Variants in DIPK1A observed in about 807,000 individuals in gnomAD.
DIPK1A encodes the protein divergent protein kinase domain 1A.
DIPK1A carries 27 observed loss-of-function variants against 40.8 expected under a neutral mutation model. The observed-to-expected ratio is 0.66, with a 90% CI of 0.49 to 0.91. The LOEUF (loss-of-function observed/expected upper bound fraction) is 0.91. DIPK1A is among the 40% of genes least tolerant of loss of function. The probability of loss-of-function intolerance (pLI) is 0.00; values close to 1 mark genes in which losing one functional copy is unlikely to be tolerated. For synonymous variants in DIPK1A, 166 were observed against 171.3 expected (o/e 0.97, Z 0.24); for missense variants, 412 against 505.7 (o/e 0.81, Z 1.78).
At chr1:92,871,959 A>G (rs1226997887) in intron 2 of DIPK1A, among the ~76,000 whole-genome samples, 1 of 151,320 alleles carries the variant, frequency 6.6e-6, no homozygotes, top group Non-Finnish European at 1.5e-5. Context: ...CCTGATTTCA[A>G]TTTTTTTGGT....
At chr1:92,838,086 A>G (rs1687196730), downstream of DIPK1A, among the ~76,000 whole-genome samples, 1 of 152,212 alleles carries the variant, frequency 6.6e-6, no homozygotes, top group South Asian at 2.1e-4. Context: ...AATGAGTCCC[A>G]AAGTGCTGGG....
At chr1:92,877,121 A>AC in intron 1 of DIPK1A, 1 of 985,470 alleles carries the variant, frequency 1.0e-6, no homozygotes, top group African/African-American at 1.7e-5. Context: ...TGCAAAGTGT[A>AC]AAGCTGCACA....
intron 1 of DIPK1A, among the ~76,000 whole-genome samples, chr1:92,941,315 CTTG>C (rs1228603260): frequency 1.3e-5 from 2 of 152,094 alleles, no homozygotes; most frequent in Admixed American, 6.5e-5. Flanking sequence ...AAATGGAAGT[CTTG>C]TTGTAGCAAT....
intron 2 of DIPK1A, among the ~76,000 whole-genome samples, chr1:92,867,164 C>A (rs996773378): frequency 6.6e-6 from 1 of 151,898 alleles, no homozygotes; most frequent in Non-Finnish European, 1.5e-5. Flanking sequence ...ACTTATACAG[C>A]TCAGAAATGG....
At position 92,842,700 on chromosome 1, in the gene DIPK1A, C is replaced by T. The variant is rs1019053391; in HGVS notation, c.*683G>A. The T allele has an allele frequency of 2.1e-5, 21 of 985,358 alleles. No homozygotes were observed. In the East Asian group the frequency reaches 5.7e-4, roughly 27 times the overall value. The allele number at this position is 985,358 out of a possible 1,614,324, so 61.0% of individuals were successfully genotyped here. ...CAGTTTTGAAGGGCTCAGTCAGCTG[C>T]GTGATACTAAGATGGGCCCTTTGAA... On this transcript the variant is annotated 3_prime_UTR_variant, in exon 5 of 5. Coordinates refer to ENST00000370310, the MANE Select transcript of DIPK1A (RefSeq NM_001006605.5).
intron 1 of DIPK1A, among the ~76,000 whole-genome samples, chr1:92,878,538 A>G (rs1376886504): frequency 1.3e-5 from 2 of 151,858 alleles, no homozygotes; most frequent in African/African-American, 4.8e-5. Context: ...TACAAAAATT[A>G]GGCCAGGCGC....
At chr1:92,846,858 T>TATATACACACACACAC (rs1180408866) in intron 4 of DIPK1A, among the ~76,000 whole-genome samples, 1 of 4,820 alleles carries the variant, frequency 2.1e-4, no homozygotes, top group Non-Finnish European at 2.9e-4. Context: ...TATATATATA[T>TATATACACACACACAC]GTGTGTATAT....
chr1:92,889,729 CCT>C (rs766411238), intron 1 of DIPK1A, among the ~76,000 whole-genome samples: 5 of 152,056 alleles, frequency 3.3e-5, no homozygotes, highest in Admixed American at 6.6e-5. Context: ...CCCACTGCAG[CCT>C]CTGTCTCCTG....
intron 1 of DIPK1A, among the ~76,000 whole-genome samples, chr1:92,955,672 TG>T (rs111475997): frequency 0.023 from 3,153 of 136,886 alleles, 105 homozygotes; most frequent in African/African-American, 0.083. Flanking sequence ...CACTACAGCC[TG>T]GGTGACAGAG....
chr1:92,895,951 T>C (rs573235774), intron 1 of DIPK1A, among the ~76,000 whole-genome samples: 1 of 152,164 alleles, frequency 6.6e-6, no homozygotes, highest in East Asian at 1.9e-4. Context: ...TTACAAGGGA[T>C]GTGAAGGACC....
chr1:92,845,467 T>C (rs775276407), intron 4 of DIPK1A: 2 of 358,092 alleles, frequency 5.6e-6, no homozygotes, highest in South Asian at 4.0e-5. Flanking sequence ...TCAGGAGTTC[T>C]AGACCCGCCT....
intron 1 of DIPK1A, among the ~76,000 whole-genome samples, chr1:92,891,374 G>C (rs1648868287): frequency 6.6e-6 from 1 of 151,608 alleles, no homozygotes; most frequent in African/African-American, 2.4e-5. Flanking sequence ...AGCTCCTTGA[G>C]ATACATTGTT....
intron 1 of DIPK1A, chr1:92,931,097 A>G (rs1051407771): frequency 1.3e-4 from 19 of 151,964 alleles, no homozygotes; most frequent in African/African-American, 4.6e-4. Context: ...CTTTTTTCTT[A>G]TTTTTTTAAA....
chr1:92,867,351 G>A (rs976026468), intron 2 of DIPK1A, among the ~76,000 whole-genome samples: 1 of 151,818 alleles, frequency 6.6e-6, no homozygotes, highest in Non-Finnish European at 1.5e-5. Context: ...ACTGCGCCTG[G>A]CCCTTTTACT....
chr1:92,869,373 G>T (rs901543992), intron 2 of DIPK1A, among the ~76,000 whole-genome samples: 2 of 151,858 alleles, frequency 1.3e-5, no homozygotes, highest in African/African-American at 4.8e-5. Context: ...TTGCCTAGCT[G>T]GTCTTAAACT....
At chr1:92,917,455 GCT>G (rs1296530424) in intron 1 of DIPK1A, among the ~76,000 whole-genome samples, 1 of 152,208 alleles carries the variant, frequency 6.6e-6, no homozygotes, top group East Asian at 1.9e-4. Flanking sequence ...GGTAGAAAAG[GCT>G]CTATTCCTGA....
chr1:92,869,249 C>T (rs1253260229), intron 2 of DIPK1A, among the ~76,000 whole-genome samples: 1 of 152,014 alleles, frequency 6.6e-6, no homozygotes, highest in Middle Eastern at 3.4e-3. Context: ...GCAGCCTCGA[C>T]CCCTTTTGCT....
intron 1 of DIPK1A, among the ~76,000 whole-genome samples, chr1:92,883,927 T>C (rs1648488971): frequency 6.6e-6 from 1 of 152,126 alleles, no homozygotes; most frequent in Non-Finnish European, 1.5e-5. Flanking sequence ...ACTGGGGACA[T>C]CTCAACCAGA....
At chr1:92,875,780 C>A (rs1252997287) in intron 2 of DIPK1A, among the ~76,000 whole-genome samples, 1 of 150,898 alleles carries the variant, frequency 6.6e-6, no homozygotes, top group African/African-American at 2.4e-5. Flanking sequence ...TTGAAATTCT[C>A]AAATTTTTAA....
Sources: gnomAD v4.1 joint callset for allele counts (sites outside exome capture counted in the v4.1 genomes callset) on GRCh38, gnomAD v4.1.1 for gene constraint, MANE v1.5 for transcripts, NCBI Gene and HGNC (gene_info 2026-07-23, HGNC 2026-07-21) for gene names.